Variants in POR observed in about 807,000 individuals in gnomAD.
POR encodes NADPH--cytochrome P450 reductase.
A neutral mutation model predicts 84.0 loss-of-function variants in POR; 56 were observed. That is an observed-to-expected ratio of 0.67 (90% CI 0.54 to 0.83). The LOEUF is 0.83. Among genes scored for constraint, POR ranks in the 40% least tolerant of loss-of-function variants. The pLI, the probability that POR is intolerant of heterozygous loss-of-function variation, is 0.00. For missense variants in POR, 938 were observed against 944.3 expected (o/e 0.99, Z 0.09); for synonymous variants, 414 against 400.5 (o/e 1.03, Z -0.40).
Position 75,954,017 on chromosome 7 carries a change from G to A in POR, c.25G>A (p.Val9Met), listed in dbSNP as rs148493509. The change falls in exon 2 of 16, where the codon GTG (valine) becomes ATG (methionine). Residue 9 changes from valine to methionine, a missense_variant. Transcript: ENST00000461988. ...CATGATCAACATGGGAGACTCCCAC[G>A]TGGACACCAGCTCCACCGTGTCCGA... 3.6e-5 allele frequency: 57 copies of A among 1,604,192 alleles called. No homozygotes were observed. In the African/African-American group the frequency reaches 4.9e-4, roughly 14 times the overall value.
In POR at chr7:75,985,709, C is replaced by T. The variant is rs782805067; in HGVS notation, c.1529C>T (p.Ala510Val). 9 of 1,586,566 alleles carry T rather than the reference C, an allele frequency of 5.7e-6. No individual in the cohort carries two copies. In the East Asian group the frequency reaches 9.2e-5, roughly 16 times the overall value. Residue 510 changes from alanine (A) to valine (V), a missense_variant, in exon 13 of 16, where the codon GCG becomes GTG. By Grantham distance (64) the Ala-to-Val change is moderately conservative (BLOSUM62 0). Coordinates refer to ENST00000461988, the MANE Select transcript of POR (RefSeq NM_000941.3). ...CCTGCCGGGGAGAACGGCGGCCGTG[C>T]GCTGGTGCCCATGTTCGTGCGCAAG...
chr7:75,959,219 G>A (rs767822934), intron 2 of POR, among the ~76,000 whole-genome samples: 6 of 152,126 alleles, frequency 3.9e-5, no homozygotes, highest in Non-Finnish European at 8.8e-5. Context: ...TAAAAAATAG[G>A]AGAAAACTGA....
At chr7:75,925,923 C>T (rs112156138) in intron 1 of POR, among the ~76,000 whole-genome samples, 154 of 151,884 alleles carry the variant, frequency 1.0e-3, no homozygotes, top group African/African-American at 3.5e-3. Flanking sequence ...GAGTGAGGAG[C>T]GATCTTGTGC....
rs1789488319 is a variant in POR at position 75,986,555 on chromosome 7, T to TGG, written c.*76_*77dup. On this transcript the variant is annotated 3_prime_UTR_variant, in exon 16 of 16. Coordinates refer to ENST00000461988, the MANE Select transcript of POR (RefSeq NM_000941.3). ...CTCCTGGCTCCCTCCCGTAGTCTCCTGGGTGTGTTTGGCTTGGCCTTGGCA... is the reference window on the plus strand; with the variant it reads ...CTCCTGGCTCCCTCCCGTAGTCTCCTGGGGGTGTGTTTGGCTTGGCCTTGGCA... 2.0e-6 allele frequency: 3 copies of TGG among 1,529,532 alleles called. No individual in the cohort carries two copies. The African/African-American group carries it at 4.1e-5, about 21-fold the overall frequency. 94.7% of individuals were successfully genotyped at this position (1,529,532 alleles called of 1,614,324 possible).
At position 75,982,212 on chromosome 7, in the gene POR, T is replaced by A; in HGVS notation, c.732-12T>A. The A allele has an allele frequency of 6.2e-7, 1 of 1,603,454 alleles. No homozygotes were observed. The highest frequency in any genetic ancestry group is 8.5e-7 in the Non-Finnish European group (1 of 1,175,052). On this transcript the variant is annotated splice_polypyrimidine_tract_variant and intron_variant, in intron 7 of 15. Transcript: ENST00000461988. ...CCGCTTCCCGGCCTCACCCTTGGTC[T>A]CCCCTTTCCAGCATTCGCCAGTACG...
intron 1 of POR, among the ~76,000 whole-genome samples, chr7:75,948,124 A>C (rs1787260075): frequency 6.6e-6 from 1 of 152,168 alleles, no homozygotes; most frequent in Non-Finnish European, 1.5e-5. Flanking sequence ...GGCGGTGAGC[A>C]CAGCCCGGTG....
At chr7:75,936,609 C>T (rs1807698255) in intron 1 of POR, among the ~76,000 whole-genome samples, 1 of 151,944 alleles carries the variant, frequency 6.6e-6, no homozygotes, top group African/African-American at 2.4e-5. Flanking sequence ...ACTGCCCATG[C>T]TGTGGGCTTG....
intron 2 of POR, among the ~76,000 whole-genome samples, chr7:75,962,522 C>T (rs1252500501): frequency 2.0e-5 from 3 of 152,110 alleles, no homozygotes; most frequent in Non-Finnish European, 2.9e-5. Context: ...TGGTCTTGTT[C>T]GAACGTCTGA....
chr7:75,984,673 C>A, intron 10 of POR, 104 bp from the exon 11 acceptor site: 1 of 1,010,178 alleles, frequency 9.9e-7, no homozygotes, highest in Non-Finnish European at 1.6e-6. Flanking sequence ...GCTGGGGCAC[C>A]TGTTGCCGCA....
chr7:75,985,964 C>T lies in POR; in HGVS notation c.1711C>T (p.Arg571Cys), dbSNP rs782247167. 1.3e-4 allele frequency: 208 copies of T among 1,587,788 alleles called. No homozygotes were observed. Among genetic ancestry groups the T allele is most frequent in the Non-Finnish European group, 1.6e-4 (187 of 1,168,670 alleles). The change falls in exon 14 of 16, where the codon CGC (arginine) becomes TGC (cysteine). Residue 571 changes from arginine to cysteine, a missense_variant. Coordinates refer to ENST00000461988, the MANE Select transcript of POR (RefSeq NM_000941.3). ...GACGCTGCTGTACTACGGCTGCCGC[C>T]GCTCGGATGAGGACTACCTGTACCG... is the stretch of plus-strand genomic sequence containing the variant.
chr7:75,933,148 C>A (rs2116286738), intron 1 of POR, among the ~76,000 whole-genome samples: 1 of 151,524 alleles, frequency 6.6e-6, no homozygotes, highest in Non-Finnish European at 1.5e-5. Context: ...AGCACATTTT[C>A]TTCACTAAAC....
chr7:75,971,037 C>T (rs1216993154), intron 2 of POR: 1 of 145,030 alleles, frequency 6.9e-6, no homozygotes, highest in African/African-American at 2.6e-5. Context: ...TCTCGGCTCA[C>T]TGCAACCTCC....
chr7:75,960,088 A>C (rs1554554268), intron 2 of POR, among the ~76,000 whole-genome samples: 9 of 152,052 alleles, frequency 5.9e-5, no homozygotes. Flanking sequence ...CCAGGAGTTC[A>C]AGATCAGCCT....
chr7:75,918,935 C>G (rs1806713435), intron 1 of POR, among the ~76,000 whole-genome samples: 1 of 151,394 alleles, frequency 6.6e-6, no homozygotes, highest in Non-Finnish European at 1.5e-5. Context: ...TCCTAGGAAC[C>G]ATGGGAAGAG....
intron 1 of POR, chr7:75,922,822 C>A: frequency 1.9e-6 from 1 of 514,722 alleles, no homozygotes; most frequent in Non-Finnish European, 3.5e-6. Flanking sequence ...GAAGGCTTAT[C>A]AAGGCCTCAA....
At chr7:75,982,004 C>T in intron 7 of POR, 1 of 584,212 alleles carries the variant, frequency 1.7e-6, no homozygotes, top group South Asian at 2.0e-5. Context: ...CCTGCCCCGG[C>T]TTCTGGGCGT....
intron 8 of POR, among the ~76,000 whole-genome samples, chr7:75,982,531 T>C (rs1255465638): frequency 6.6e-6 from 1 of 152,230 alleles, no homozygotes; most frequent in Non-Finnish European, 1.5e-5. Flanking sequence ...TTAGCCACCT[T>C]ACTCTGCACT....
chr7:75,968,738 C>T (rs567794325), intron 2 of POR, among the ~76,000 whole-genome samples: 3 of 152,330 alleles, frequency 2.0e-5, no homozygotes, highest in African/African-American at 7.2e-5. Context: ...CTCACACTTC[C>T]TGGGTGAACC....
chr7:75,933,271 A>C (rs1807504138), intron 1 of POR, among the ~76,000 whole-genome samples: 1 of 151,610 alleles, frequency 6.6e-6, no homozygotes, highest in African/African-American at 2.4e-5. Context: ...GCATTACCTC[A>C]CACCTTTTTT....
Sources: allele counts gnomAD v4.1 joint callset (sites outside exome capture counted in the v4.1 genomes callset), GRCh38; gene constraint gnomAD v4.1.1; transcripts MANE v1.5; gene names NCBI Gene and HGNC (gene_info 2026-07-23, HGNC 2026-07-21).